Variants in RABGAP1 observed in about 807,000 individuals in gnomAD.
RABGAP1 encodes rab GTPase-activating protein 1.
RABGAP1 carries 23 observed loss-of-function variants against 137.6 expected under a neutral mutation model. The ratio of observed to expected loss-of-function variants is 0.17; its 90% CI spans 0.12 to 0.24. The LOEUF is 0.24. Ranked by LOEUF, RABGAP1 falls within the 10% of genes least tolerant of loss-of-function variation. The pLI, the probability that RABGAP1 is intolerant of heterozygous loss-of-function variation, is 1.00. For missense variants in RABGAP1, 906 were observed against 1,275.8 expected (o/e 0.71, Z 4.42); for synonymous variants, 451 against 450.7 (o/e 1.00, Z -0.01).
At chr9:122,977,958 G>A (rs1165626277) in intron 2 of RABGAP1, among the ~76,000 whole-genome samples, 1 of 152,174 alleles carries the variant, frequency 6.6e-6, no homozygotes, top group African/African-American at 2.4e-5. Context: ...AAAAGGAACA[G>A]TTGTGTTCTC....
intron 2 of RABGAP1, 141 bp downstream of exon 2, chr9:122,957,350 C>A: frequency 1.5e-6 from 1 of 665,238 alleles, no homozygotes; most frequent in Non-Finnish European, 2.2e-6. Flanking sequence ...ATTTTATTTG[C>A]ACTTAGTGAG....
intron 10 of RABGAP1, among the ~76,000 whole-genome samples, chr9:123,003,308 A>C (rs186839608): frequency 6.6e-6 from 1 of 152,326 alleles, no homozygotes; most frequent in East Asian, 1.9e-4. Context: ...GATATTTAGC[A>C]GTAGATTTTA....
At chr9:123,090,794 A>G (rs561855902) in intron 21 of RABGAP1, among the ~76,000 whole-genome samples, 1 of 152,382 alleles carries the variant, frequency 6.6e-6, no homozygotes, top group African/African-American at 2.4e-5. Flanking sequence ...AATGCAGCTC[A>G]GTACCTCAGC....
chr9:123,026,403 T>A (rs1300719313), intron 13 of RABGAP1, among the ~76,000 whole-genome samples: 1 of 152,222 alleles, frequency 6.6e-6, no homozygotes, highest in Non-Finnish European at 1.5e-5. Flanking sequence ...CTGAATTTTA[T>A]CAGCTTTTTC....
At chr9:123,036,945 T>C (rs1369744829) in intron 13 of RABGAP1, among the ~76,000 whole-genome samples, 12 of 152,170 alleles carry the variant, frequency 7.9e-5, no homozygotes, top group Admixed American at 2.6e-4. Context: ...TGATTATCTT[T>C]AGAGCAAGAG....
Position 123,065,469 on chromosome 9 carries a change from A to C in RABGAP1, c.1908+8A>C. 4.5e-6 allele frequency: 7 copies of C among 1,551,096 alleles called. No individual in the cohort carries two copies. Among genetic ancestry groups the C allele is most frequent in the South Asian group, 1.1e-5 (1 of 89,708 alleles). On this transcript the variant is annotated splice_region_variant and intron_variant, in intron 14 of 25. Coordinates refer to ENST00000373647, the MANE Select transcript of RABGAP1 (RefSeq NM_012197.4). ...TTATATAAAATATGCAAGGTATTTC[A>C]TGTCAAAAAAAAAAAGGACTCAATT...
At chr9:122,972,964 A>C (rs1447335304) in intron 2 of RABGAP1, among the ~76,000 whole-genome samples, 3 of 102,426 alleles carry the variant, frequency 2.9e-5, no homozygotes, top group East Asian at 2.7e-4. Context: ...GTGAGAGCCT[A>C]TCTCTTTATA....
At chr9:122,990,021 G>A in intron 5 of RABGAP1, 35 bp from the exon 6 acceptor site, 1 of 1,528,124 alleles carries the variant, frequency 6.5e-7, no homozygotes, top group Non-Finnish European at 8.9e-7. Context: ...TATATCTTTT[G>A]ATAACAGCCC....
At chr9:122,962,272 AGTGAG>A (rs1398106449) in intron 2 of RABGAP1, among the ~76,000 whole-genome samples, 1 of 151,726 alleles carries the variant, frequency 6.6e-6, no homozygotes, top group Non-Finnish European at 1.5e-5. Context: ...ACTTTGGGAG[AGTGAG>A]GTGGGTGGTT....
At chr9:122,945,460 G>A (rs1833898857) in intron 1 of RABGAP1, 1 of 151,920 alleles carries the variant, frequency 6.6e-6, no homozygotes, top group Non-Finnish European at 1.5e-5. Context: ...TTTGAAGATT[G>A]TTTTCTATCA....
intron 2 of RABGAP1, among the ~76,000 whole-genome samples, chr9:122,967,087 C>T (rs1347862729): frequency 6.6e-6 from 1 of 152,104 alleles, no homozygotes; most frequent in Non-Finnish European, 1.5e-5. Context: ...GAGCAGAATT[C>T]CTTGTAAGAC....
chr9:122,971,698 A>G (rs1365534689), intron 2 of RABGAP1: 2 of 152,256 alleles, frequency 1.3e-5, no homozygotes, highest in Non-Finnish European at 2.9e-5. Context: ...CAGATATGTT[A>G]AACAGCAAAT....
At chr9:123,103,021 GT>G in intron 25 of RABGAP1, 69 bp from the exon 26 acceptor site, 1 of 1,554,964 alleles carries the variant, frequency 6.4e-7, no homozygotes, top group South Asian at 1.2e-5. Flanking sequence ...TCTTGTCTTG[GT>G]TCTCCTCTGG....
intron 19 of RABGAP1, among the ~76,000 whole-genome samples, chr9:123,081,659 T>C (rs1164922277): frequency 6.6e-6 from 1 of 152,102 alleles, no homozygotes; most frequent in African/African-American, 2.4e-5. Context: ...CCCAGGCTGG[T>C]CTCGAACTCC....
chr9:122,952,760 G>A (rs1834319454), intron 1 of RABGAP1, among the ~76,000 whole-genome samples: 1 of 152,092 alleles, frequency 6.6e-6, no homozygotes, highest in Non-Finnish European at 1.5e-5. Flanking sequence ...CCTTGAACTT[G>A]CATCCACCAA....
At position 122,984,665 on chromosome 9, in the gene RABGAP1, T is replaced by C. The variant is rs780754127; in HGVS notation, c.331T>C (p.Leu111=). The change falls in exon 3 of 26, where the codon TTA becomes CTA. Residue 111 remains leucine, a synonymous_variant. Transcript: ENST00000373647. ...TTCATCCACCATTAACCCTGTGCCA[T>C]TAGTAGGGCTCCAAAAACCAGAGAT... ...SASSTINPVP[L]VGLQKPEMSL... is the part of the protein sequence containing the mutation. 1 of 1,614,198 alleles carries C rather than the reference T, an allele frequency of 6.2e-7. No individual in the cohort carries two copies. The highest frequency in any genetic ancestry group is 1.1e-5 in the South Asian group (1 of 91,088).
At chr9:123,029,172 A>T (rs951053449) in intron 13 of RABGAP1, among the ~76,000 whole-genome samples, 4 of 152,152 alleles carry the variant, frequency 2.6e-5, no homozygotes, top group African/African-American at 4.8e-5. Context: ...TCACTTGATG[A>T]CTGAATGAAT....
At chr9:122,941,559 T>C (rs950174816) in intron 1 of RABGAP1, among the ~76,000 whole-genome samples, 4 of 152,244 alleles carry the variant, frequency 2.6e-5, no homozygotes, top group African/African-American at 9.6e-5. Flanking sequence ...TGTCCTGGGC[T>C]GCGCCTAAAT....
At chr9:122,998,859 CAT>C (rs1410687760) in intron 10 of RABGAP1, 93 bp downstream of exon 10, 7 of 736,686 alleles carry the variant, frequency 9.5e-6, no homozygotes, top group Admixed American at 6.5e-5. Flanking sequence ...TTTAAACAGT[CAT>C]GTGTATTTTA....
Sources: gnomAD v4.1 joint callset for allele counts (sites outside exome capture counted in the v4.1 genomes callset) on GRCh38, gnomAD v4.1.1 for gene constraint, MANE v1.5 for transcripts, NCBI Gene and HGNC (gene_info 2026-07-23, HGNC 2026-07-21) for gene names.